PCDHGA1: variants seen among roughly 807,000 people sequenced by gnomAD.
PCDHGA1 encodes the protein protocadherin gamma subfamily A, 1.
In PCDHGA1, 32 loss-of-function variants were observed where a neutral mutation model predicts 58.0. The ratio of observed to expected loss-of-function variants is 0.55; its 90% confidence interval spans 0.42 to 0.74. PCDHGA1 has a LOEUF of 0.74. Among genes scored for constraint, PCDHGA1 ranks in the 30% least tolerant of loss-of-function variants. The probability of loss-of-function intolerance (pLI) is 0.00; values close to 1 mark genes in which losing one functional copy is unlikely to be tolerated. For synonymous variants in PCDHGA1, 498 were observed against 501.1 expected (o/e 0.99, Z 0.08); for missense variants, 1,205 against 1,182.3 (o/e 1.02, Z -0.28).
intron 1 of PCDHGA1, among the ~76,000 whole-genome samples, chr5:141,382,039 G>T (rs2150197834): frequency 6.6e-6 from 1 of 151,922 alleles, no homozygotes; most frequent in Non-Finnish European, 1.5e-5. Flanking sequence ...ATGTTGGTCA[G>T]GCTGGTCTCA....
At chr5:141,343,986 G>T (rs372729421) in intron 1 of PCDHGA1, 5 of 1,453,968 alleles carry the variant, frequency 3.4e-6, no homozygotes, top group Non-Finnish European at 2.8e-6. Flanking sequence ...GGAGTCCGTC[G>T]TAGGAAACTG....
intron 1 of PCDHGA1, chr5:141,415,512 T>C (rs997659180): frequency 1.9e-6 from 3 of 1,614,234 alleles, no homozygotes; most frequent in Non-Finnish European, 2.5e-6. Context: ...AGCCCAATTA[T>C]GCGGACACGC....
At chr5:141,399,335 A>G in intron 1 of PCDHGA1, 3 of 1,613,978 alleles carry the variant, frequency 1.9e-6, no homozygotes, top group Non-Finnish European at 2.5e-6. Flanking sequence ...TTGGTAACAG[A>G]TGGAACCCTA....
intron 1 of PCDHGA1, chr5:141,382,739 G>C (rs1005950630): frequency 5.2e-6 from 3 of 573,658 alleles, no homozygotes; most frequent in Non-Finnish European, 5.9e-6. Context: ...ACAGAGAAAC[G>C]ACAGATTGCG....
intron 1 of PCDHGA1, chr5:141,341,138 C>T (rs770156048): frequency 5.0e-6 from 8 of 1,614,222 alleles, no homozygotes; most frequent in Non-Finnish European, 5.9e-6. Flanking sequence ...GCACAAGTCA[C>T]GCCTGCTGCA....
In PCDHGA1 at chr5:141,403,683, A is replaced by G. The variant is rs757429628; in HGVS notation, c.2421+70578A>G. 2.5e-6 allele frequency: 4 copies of G among 1,613,804 alleles called. No individual in the cohort carries two copies. The highest frequency in any genetic ancestry group is 1.7e-6 in the Non-Finnish European group (2 of 1,179,888). ...AATGATAATGCCCCGGTTTTTGCTC[A>G]ACGGATTTACCGAGTTAAAGTCCTT... On this transcript the variant is annotated intron_variant, in intron 1 of 3. Transcript: ENST00000517417.
At chr5:141,346,172 G>A (rs369700145) in intron 1 of PCDHGA1, 6 of 1,614,068 alleles carry the variant, frequency 3.7e-6, no homozygotes, top group African/African-American at 1.3e-5. Flanking sequence ...TGCTGCTGGC[G>A]CTCAGGCTGC....
chr5:141,337,795 G>C (rs1409086554), intron 1 of PCDHGA1, among the ~76,000 whole-genome samples: 3 of 152,206 alleles, frequency 2.0e-5, no homozygotes, highest in Non-Finnish European at 4.4e-5. Context: ...ACAAGAGTAA[G>C]AAGACATCCA....
At position 141,487,254 on chromosome 5, in the gene PCDHGA1, C is replaced by T. The variant is rs1341564301; in HGVS notation, c.2422-7553C>T. On this transcript the variant is annotated intron_variant, in intron 1 of 3. Coordinates refer to ENST00000517417, the MANE Select transcript of PCDHGA1 (RefSeq NM_018912.3). The surrounding 1 kb of genome is among the most constrained non-coding windows in gnomAD (Gnocchi z 5.0). Reference sequence around the variant, plus strand: ...GAATCTCGTCTAACCCTCTACTTGGCTGTGTCCCTAGTGGCAATTTGCTTT... The same window carrying T: ...GAATCTCGTCTAACCCTCTACTTGGTTGTGTCCCTAGTGGCAATTTGCTTT... The T allele has an allele frequency of 1.2e-6, 2 of 1,614,126 alleles. No homozygotes were observed. Among genetic ancestry groups the T allele is most frequent in the East Asian group, 4.5e-5 (2 of 44,860 alleles).
chr5:141,505,625 C>T, intron 3 of PCDHGA1, 144 bp downstream of exon 3: 1 of 1,489,114 alleles, frequency 6.7e-7, no homozygotes, highest in Non-Finnish European at 9.0e-7. Context: ...CCCACAATTC[C>T]AAACATAAAG....
At chr5:141,433,326 A>G in intron 1 of PCDHGA1, 1 of 726,596 alleles carries the variant, frequency 1.4e-6, no homozygotes. Context: ...CCGGTGTAAC[A>G]GGGACTACAG....
chr5:141,386,594 C>T (rs573192677), intron 1 of PCDHGA1, among the ~76,000 whole-genome samples: 2 of 151,204 alleles, frequency 1.3e-5, no homozygotes, highest in Non-Finnish European at 2.9e-5. Flanking sequence ...GTGGGGGATA[C>T]ATTTTTTTTT....
intron 1 of PCDHGA1, chr5:141,361,139 T>G (rs1305491971): frequency 1.2e-6 from 2 of 1,613,878 alleles, no homozygotes; most frequent in Non-Finnish European, 1.7e-6. Context: ...AGTATCCAAG[T>G]TGAAATTCTT....
At chr5:141,505,085 C>A (rs954289918) in intron 2 of PCDHGA1, among the ~76,000 whole-genome samples, 1 of 152,162 alleles carries the variant, frequency 6.6e-6, no homozygotes, top group Non-Finnish European at 1.5e-5. Context: ...TCGCTTGAAC[C>A]CAGGAGGTGG....
Position 141,431,344 on chromosome 5 carries a change from G to T in PCDHGA1, c.2422-63463G>T. On this transcript the variant is annotated intron_variant, in intron 1 of 3. Coordinates refer to ENST00000517417, the MANE Select transcript of PCDHGA1 (RefSeq NM_018912.3). This position sits in a 1 kb window ranked among gnomAD's most constrained non-coding sequence, Gnocchi z 4.8. ...ACGGTAGTAAGTACCCCGAATTGGT[G>T]CTGAAACGCGCCCTGGACCGCGAAG... 1 of 1,614,078 alleles carries T rather than the reference G, an allele frequency of 6.2e-7. No individual in the cohort carries two copies. The highest frequency in any genetic ancestry group is 1.3e-5 in the African/African-American group (1 of 75,068).
intron 1 of PCDHGA1, among the ~76,000 whole-genome samples, chr5:141,348,125 A>G (rs1455807661): frequency 1.3e-5 from 2 of 152,216 alleles, no homozygotes; most frequent in Non-Finnish European, 2.9e-5. Context: ...AATTATTTTC[A>G]CTCATGAAAT....
intron 2 of PCDHGA1, among the ~76,000 whole-genome samples, chr5:141,496,097 A>C (rs1329818315): frequency 6.6e-6 from 1 of 151,148 alleles, no homozygotes; most frequent in Non-Finnish European, 1.5e-5. Context: ...CCACCCACCA[A>C]CACCCCGCTC....
At chr5:141,408,763 T>C in intron 1 of PCDHGA1, 1 of 1,611,150 alleles carries the variant, frequency 6.2e-7, no homozygotes. Context: ...TTAATTCCGA[T>C]GGTGGCAAAT....
rs767430191 is a variant in PCDHGA1 at position 141,375,567 on chromosome 5, C to T, written c.2421+42462C>T. 22 of 1,613,958 alleles carry T rather than the reference C, an allele frequency of 1.4e-5. No individual in the cohort carries two copies. The Admixed American group carries it at 3.5e-4, about 26-fold the overall frequency. ...GTCTCCTACTCACTGGCAGAAGACA[C>T]CCTCCAGGGGGCGCCCCTGTCCTCC... On this transcript the variant is annotated intron_variant, in intron 1 of 3. Transcript: ENST00000517417.
Sources: allele counts gnomAD v4.1 joint callset (sites outside exome capture counted in the v4.1 genomes callset), GRCh38; gene constraint gnomAD v4.1.1; non-coding constraint Gnocchi (gnomAD v3.1); transcripts MANE v1.5; gene names NCBI Gene and HGNC (gene_info 2026-07-23, HGNC 2026-07-21).